The following SPTLC1 variants were observed in gnomAD, a reference collection of about 807,000 sequenced individuals.
The protein encoded by SPTLC1 is serine palmitoyltransferase long chain base subunit 1.
SPTLC1 carries 55 observed loss-of-function variants against 68.9 expected under a neutral mutation model. The ratio of observed to expected loss-of-function variants is 0.80; its 90% CI spans 0.64 to 1.00. The LOEUF (loss-of-function observed/expected upper bound fraction) is 1.00, where lower values mean the gene tolerates loss of function less well. SPTLC1 is among the 50% of genes least tolerant of loss of function. SPTLC1 has a pLI of 0.00. For missense variants in SPTLC1, 449 were observed against 573.1 expected (o/e 0.78, Z 2.21); for synonymous variants, 197 against 201.6 (o/e 0.98, Z 0.19).
chr9:92,057,912 A>G (rs182254577), intron 7 of SPTLC1, among the ~76,000 whole-genome samples: 14 of 152,340 alleles, frequency 9.2e-5, no homozygotes, highest in African/African-American at 3.1e-4. Flanking sequence ...TTTAAAAAAA[A>G]GTTCTATGGC....
chr9:92,039,201 T>G (rs1833255433), intron 12 of SPTLC1, among the ~76,000 whole-genome samples: 1 of 152,204 alleles, frequency 6.6e-6, no homozygotes, highest in Admixed American at 6.5e-5. Context: ...AACAGCAATA[T>G]GTTTAGATAG....
intron 3 of SPTLC1, among the ~76,000 whole-genome samples, chr9:92,085,164 C>G (rs1835066220): frequency 6.6e-6 from 1 of 151,164 alleles, no homozygotes; most frequent in African/African-American, 2.4e-5. Context: ...AGCGGTCTAT[C>G]AATTTTGTTG....
intron 3 of SPTLC1, among the ~76,000 whole-genome samples, chr9:92,088,128 A>C (rs1474006871): frequency 6.6e-6 from 1 of 151,974 alleles, no homozygotes; most frequent in African/African-American, 2.4e-5. Flanking sequence ...GGAGTGACCC[A>C]ATTTTTCAGG....
At chr9:92,074,775 T>C (rs1587947398) in intron 5 of SPTLC1, among the ~76,000 whole-genome samples, 1 of 151,682 alleles carries the variant, frequency 6.6e-6, no homozygotes. Context: ...AATCAGATTG[T>C]CCTCCCCATT....
At position 92,055,456 on chromosome 9, in the gene SPTLC1, T is replaced by C; in HGVS notation, c.729A>G (p.Val243=). 6.2e-7 allele frequency: 1 copy of C among 1,613,818 alleles called. No individual in the cohort carries two copies. The highest frequency in any genetic ancestry group is 8.5e-7 in the Non-Finnish European group (1 of 1,179,914). Residue 243 remains valine (V), a synonymous_variant, in exon 8 of 15, where the codon GTA becomes GTG. Coordinates refer to ENST00000262554, the MANE Select transcript of SPTLC1 (RefSeq NM_006415.4). Reference sequence around the variant, plus strand: ...CAGTATTCATATACAATCCTTCTACTACAATGAAACGCCGAGTTACACGAG... The same window carrying C: ...CAGTATTCATATACAATCCTTCTACCACAATGAAACGCCGAGTTACACGAG... ...RKARVTRRFI[V]VEGLYMNTGT...
At chr9:92,105,167 C>T (rs1215936795) in intron 3 of SPTLC1, 51 of 1,533,986 alleles carry the variant, frequency 3.3e-5, no homozygotes, top group Admixed American at 3.9e-5. Flanking sequence ...CCACAGGTCC[C>T]GCAAAAGAAA....
At chr9:92,089,147 A>C (rs1327281096) in intron 3 of SPTLC1, among the ~76,000 whole-genome samples, 1 of 152,138 alleles carries the variant, frequency 6.6e-6, no homozygotes, top group Non-Finnish European at 1.5e-5. Context: ...GTGGTGGCTC[A>C]CACCTGTAAT....
At chr9:92,105,583 G>A in intron 3 of SPTLC1, 1 of 538,732 alleles carries the variant, frequency 1.9e-6, no homozygotes, top group South Asian at 2.1e-5. Context: ...TGGGAAGTGA[G>A]GAGCGCCTCT....
intron 1 of SPTLC1, among the ~76,000 whole-genome samples, chr9:92,113,698 A>G (rs10992233): frequency 0.05 from 7,613 of 152,356 alleles, 513 homozygotes; most frequent in East Asian, 0.27. Flanking sequence ...ATACATGAGC[A>G]TAAGACAGAG....
At chr9:92,080,538 AT>A (rs942955120) in intron 4 of SPTLC1, among the ~76,000 whole-genome samples, 3 of 151,898 alleles carry the variant, frequency 2.0e-5, no homozygotes, top group African/African-American at 4.8e-5. Flanking sequence ...CAATACTATG[AT>A]TTTTTTTCTT....
intron 3 of SPTLC1, among the ~76,000 whole-genome samples, chr9:92,102,634 CCA>C (rs1408514001): frequency 6.6e-6 from 1 of 151,850 alleles, no homozygotes; most frequent in Non-Finnish European, 1.5e-5. Context: ...AATGTAAGCT[CCA>C]GAGTAACCAG....
At chr9:92,099,475 C>G (rs1363556232) in intron 3 of SPTLC1, among the ~76,000 whole-genome samples, 1 of 139,656 alleles carries the variant, frequency 7.2e-6, no homozygotes, top group Non-Finnish European at 1.5e-5. Context: ...TGTATTTTTA[C>G]TGTACTTTTT....
intron 5 of SPTLC1, 106 bp downstream of exon 5, chr9:92,079,910 C>T (rs1834818945): frequency 4.2e-6 from 4 of 961,702 alleles, no homozygotes; most frequent in Non-Finnish European, 6.7e-6. Flanking sequence ...CCACCTCAGC[C>T]TCCCCAAAGT....
At chr9:92,055,678 G>GT (rs1833863632) in intron 7 of SPTLC1, among the ~76,000 whole-genome samples, 184 bp from the exon 8 acceptor site, 4 of 152,260 alleles carry the variant, frequency 2.6e-5, no homozygotes, top group Non-Finnish European at 4.4e-5. Context: ...TCTCTCAGAC[G>GT]TTTTTCAGCT....
At chr9:92,054,700 G>A (rs549389789) in intron 8 of SPTLC1, among the ~76,000 whole-genome samples, 1 of 152,294 alleles carries the variant, frequency 6.6e-6, no homozygotes, top group East Asian at 1.9e-4. Context: ...AGATCATGAG[G>A]TCAAGAGATT....
intron 7 of SPTLC1, among the ~76,000 whole-genome samples, chr9:92,057,063 A>G (rs1277925541): frequency 1.3e-5 from 2 of 152,256 alleles, no homozygotes; most frequent in Admixed American, 6.5e-5. Flanking sequence ...TAATCATACC[A>G]CACGGTGATA....
intron 8 of SPTLC1, 196 bp from the exon 9 acceptor site, chr9:92,050,263 T>G: frequency 1.8e-6 from 1 of 550,820 alleles, no homozygotes; most frequent in Non-Finnish European, 3.3e-6. Flanking sequence ...CACGGATATG[T>G]GCATGTGCAG....
chr9:92,055,018 A>G (rs561232162), intron 8 of SPTLC1, among the ~76,000 whole-genome samples: 2 of 152,188 alleles, frequency 1.3e-5, no homozygotes, highest in South Asian at 4.1e-4. Flanking sequence ...TGAGCCCAAG[A>G]GTTTGAGAAC....
At chr9:92,099,489 T>C (rs1835665817) in intron 3 of SPTLC1, among the ~76,000 whole-genome samples, 1 of 151,960 alleles carries the variant, frequency 6.6e-6, no homozygotes, top group South Asian at 2.1e-4. Context: ...ACTTTTTTTT[T>C]TTTTTTTTAA....
Sources: allele counts gnomAD v4.1 joint callset (sites outside exome capture counted in the v4.1 genomes callset), GRCh38; gene constraint gnomAD v4.1.1; transcripts MANE v1.5; gene names NCBI Gene and HGNC (gene_info 2026-07-23, HGNC 2026-07-21).